The following GALNT10 variants were observed in gnomAD, a reference collection of about 807,000 sequenced individuals.
GALNT10 encodes GalNAc transferase 10.
A neutral mutation model predicts 75.0 loss-of-function variants in GALNT10; 41 were observed. The ratio of observed to expected loss-of-function variants is 0.55; its 90% CI spans 0.43 to 0.71. The LOEUF (loss-of-function observed/expected upper bound fraction) is 0.71, where lower values mean the gene tolerates loss of function less well. Ranked by LOEUF, GALNT10 falls within the 30% of genes least tolerant of loss-of-function variation. The pLI is 0.00. For synonymous variants in GALNT10, 302 were observed against 313.0 expected (o/e 0.96, Z 0.37); for missense variants, 727 against 818.5 (o/e 0.89, Z 1.36).
chr5:154,218,654 A>G (rs143226458), intron 1 of GALNT10, among the ~76,000 whole-genome samples: 59 of 152,108 alleles, frequency 3.9e-4, no homozygotes, highest in Non-Finnish European at 6.5e-4. Context: ...CTTTTTGTTA[A>G]TACGTTAAAA....
chr5:154,342,417 G>T (rs761775790), intron 4 of GALNT10, among the ~76,000 whole-genome samples: 9 of 152,176 alleles, frequency 5.9e-5, no homozygotes, highest in Non-Finnish European at 1.0e-4. Flanking sequence ...TATCAGCATC[G>T]ACTGAAGAGC....
chr5:154,344,209 CTTTTT>C (rs869306243), intron 4 of GALNT10, among the ~76,000 whole-genome samples: 3 of 35,508 alleles, frequency 8.4e-5, no homozygotes, highest in Non-Finnish European at 1.5e-4. Flanking sequence ...TTCTTTCTTT[CTTTTT>C]TTTTTTTTTT....
chr5:154,191,415 C>A (rs1413959519), intron 1 of GALNT10, among the ~76,000 whole-genome samples: 1 of 144,052 alleles, frequency 6.9e-6, no homozygotes, highest in Non-Finnish European at 1.5e-5. Flanking sequence ...TGTCCAGGTC[C>A]TCTCTGCTTC....
intron 1 of GALNT10, among the ~76,000 whole-genome samples, chr5:154,210,594 CTA>C (rs1456813438): frequency 6.6e-6 from 1 of 152,208 alleles, no homozygotes; most frequent in Non-Finnish European, 1.5e-5. Flanking sequence ...ACATGTCTCT[CTA>C]TTAAACTGTA....
At chr5:154,330,908 G>GTGTGT (rs1754848603) in intron 4 of GALNT10, among the ~76,000 whole-genome samples, 9 of 125,920 alleles carry the variant, frequency 7.1e-5, no homozygotes, top group African/African-American at 2.4e-4. Context: ...AGACAGAGAG[G>GTGTGT]GTGTGTGTGT....
intron 3 of GALNT10, among the ~76,000 whole-genome samples, chr5:154,319,359 G>A (rs2113105157): frequency 6.6e-6 from 1 of 152,352 alleles, no homozygotes; most frequent in South Asian, 2.1e-4. Flanking sequence ...GTTTGCTATT[G>A]CCAGTTTTCC....
chr5:154,194,107 C>T (rs1774900227), intron 1 of GALNT10, among the ~76,000 whole-genome samples: 1 of 152,230 alleles, frequency 6.6e-6, no homozygotes. Flanking sequence ...AAGTTAGAAA[C>T]TCAGTGCAGT....
chr5:154,254,632 C>T (rs545284308), intron 1 of GALNT10, among the ~76,000 whole-genome samples: 1 of 151,880 alleles, frequency 6.6e-6, no homozygotes, highest in East Asian at 1.9e-4. Context: ...TCTGTAGCCC[C>T]AGGAAGGCAA....
intron 1 of GALNT10, among the ~76,000 whole-genome samples, chr5:154,221,633 A>G (rs575919425): frequency 6.6e-6 from 1 of 152,156 alleles, no homozygotes; most frequent in Non-Finnish European, 1.5e-5. Flanking sequence ...AGGAAAAAAA[A>G]CCACAGGAAT....
At chr5:154,349,818 C>A (rs1031024617) in intron 4 of GALNT10, 8 of 152,140 alleles carry the variant, frequency 5.3e-5, no homozygotes, top group African/African-American at 1.9e-4. Context: ...ACCAGTAATG[C>A]AGGATGTCTG....
intron 4 of GALNT10, among the ~76,000 whole-genome samples, chr5:154,350,189 T>TAA (rs370359115): frequency 3.5e-4 from 51 of 146,586 alleles, no homozygotes; most frequent in African/African-American, 1.2e-3. Flanking sequence ...TGCTTTCCTT[T>TAA]AAAAAAAAAA....
intron 4 of GALNT10, among the ~76,000 whole-genome samples, chr5:154,348,921 A>G (rs1294318382): frequency 6.6e-6 from 1 of 152,110 alleles, no homozygotes; most frequent in African/African-American, 2.4e-5. Context: ...CTGTCCCTAG[A>G]AGGCTTGTAC....
At chr5:154,370,635 G>A (rs745989645) in intron 4 of GALNT10, among the ~76,000 whole-genome samples, 5 of 152,180 alleles carry the variant, frequency 3.3e-5, no homozygotes, top group South Asian at 2.1e-4. Flanking sequence ...AGGGAGCATC[G>A]TTGAGGGAGG....
chr5:154,332,531 G>C (rs1249322535), intron 4 of GALNT10, among the ~76,000 whole-genome samples: 1 of 152,194 alleles, frequency 6.6e-6, no homozygotes. Context: ...TCACCATGCT[G>C]CATGCGCGGT....
chr5:154,221,788 T>C (rs1287310325), intron 1 of GALNT10, among the ~76,000 whole-genome samples: 1 of 152,258 alleles, frequency 6.6e-6, no homozygotes, highest in Non-Finnish European at 1.5e-5. Flanking sequence ...ACTTGAGGCC[T>C]GTCTGCCTAG....
chr5:154,330,755 G>T (rs1489129884), intron 4 of GALNT10, among the ~76,000 whole-genome samples: 1 of 152,164 alleles, frequency 6.6e-6, no homozygotes, highest in African/African-American at 2.4e-5. Context: ...TCTTGCAGAG[G>T]CACTAATAAG....
intron 4 of GALNT10, among the ~76,000 whole-genome samples, chr5:154,351,030 G>A (rs1755198119): frequency 6.6e-6 from 1 of 152,194 alleles, no homozygotes. Flanking sequence ...TGTTGTAGAA[G>A]AAACTTTGAT....
At chr5:154,195,419 C>A (rs1021178284) in intron 1 of GALNT10, among the ~76,000 whole-genome samples, 1 of 152,164 alleles carries the variant, frequency 6.6e-6, no homozygotes, top group African/African-American at 2.4e-5. Flanking sequence ...AAGGAGGTAG[C>A]GCATATACAC....
At chr5:154,244,179 C>T (rs574603340) in intron 1 of GALNT10, among the ~76,000 whole-genome samples, 31 of 152,282 alleles carry the variant, frequency 2.0e-4, no homozygotes, top group African/African-American at 6.7e-4. Context: ...ATGGAGTGAC[C>T]GCCTAGCAAG....
Sources: allele counts gnomAD v4.1 joint callset (sites outside exome capture counted in the v4.1 genomes callset), GRCh38; gene constraint gnomAD v4.1.1; transcripts MANE v1.5; gene names NCBI Gene and HGNC (gene_info 2026-07-23, HGNC 2026-07-21).